Variants in LIMK2 observed in about 807,000 individuals in gnomAD.
LIMK2 encodes the protein LIM domain kinase 2.
A neutral mutation model predicts 75.7 loss-of-function variants in LIMK2; 35 were observed. The ratio of observed to expected loss-of-function variants is 0.46; its 90% CI spans 0.35 to 0.61. LIMK2 has a LOEUF of 0.61. LIMK2 is among the 20% of genes least tolerant of loss of function. The pLI is 0.00. For synonymous variants in LIMK2, 301 were observed against 319.2 expected (o/e 0.94, Z 0.61); for missense variants, 623 against 831.0 (o/e 0.75, Z 3.08).
intron 2 of LIMK2, among the ~76,000 whole-genome samples, chr22:31,247,045 G>A (rs2048677929): frequency 6.6e-6 from 1 of 152,216 alleles, no homozygotes; most frequent in Non-Finnish European, 1.5e-5. Flanking sequence ...GGTGGAATGG[G>A]AAAAGGCTCC....
At chr22:31,251,613 C>G (rs929088445) in intron 2 of LIMK2, among the ~76,000 whole-genome samples, 17 of 152,196 alleles carry the variant, frequency 1.1e-4, no homozygotes, top group Admixed American at 1.0e-3. Flanking sequence ...TGCACTCTAG[C>G]AACACTTATT....
chr22:31,226,597 C>G (rs1388829489), intron 2 of LIMK2, among the ~76,000 whole-genome samples: 1 of 134,834 alleles, frequency 7.4e-6, no homozygotes, highest in Non-Finnish European at 1.6e-5. Context: ...TTTATTATAG[C>G]TACATTATTA....
intron 2 of LIMK2, among the ~76,000 whole-genome samples, chr22:31,237,970 C>G (rs1156441288): frequency 6.6e-6 from 1 of 150,966 alleles, no homozygotes; most frequent in Non-Finnish European, 1.5e-5. Flanking sequence ...CAAAAATTAG[C>G]CAGGCATGAT....
At chr22:31,243,258 T>C (rs2048639085) in intron 2 of LIMK2, among the ~76,000 whole-genome samples, 2 of 152,094 alleles carry the variant, frequency 1.3e-5, no homozygotes, top group Admixed American at 6.5e-5. Context: ...GCTGCTATAA[T>C]GTAGAAAGTG....
At chr22:31,249,124 C>G (rs1396036958) in intron 2 of LIMK2, among the ~76,000 whole-genome samples, 1 of 152,224 alleles carries the variant, frequency 6.6e-6, no homozygotes, top group African/African-American at 2.4e-5. Flanking sequence ...TCTCACATGT[C>G]TTACCTGCGG....
intron 1 of LIMK2, among the ~76,000 whole-genome samples, chr22:31,213,817 C>CTTTTTT (rs71689139): frequency 6.9e-5 from 10 of 145,330 alleles, no homozygotes; most frequent in Non-Finnish European, 9.0e-5. Flanking sequence ...TTTCCAGTAA[C>CTTTTTT]TTTTTTTTTT....
intron 2 of LIMK2, among the ~76,000 whole-genome samples, chr22:31,248,984 C>G (rs1221997518): frequency 6.6e-6 from 1 of 152,184 alleles, no homozygotes; most frequent in African/African-American, 2.4e-5. Context: ...GAAGGAACTT[C>G]TTAGGGAGCT....
intron 11 of LIMK2, among the ~76,000 whole-genome samples, chr22:31,268,793 A>G (rs867474640): frequency 6.6e-6 from 1 of 152,226 alleles, no homozygotes; most frequent in African/African-American, 2.4e-5. Flanking sequence ...TTTATTCCTC[A>G]TGACAACCTT....
chr22:31,275,304 A>G lies in LIMK2; in HGVS notation c.1768A>G (p.Ser590Gly). ...CATCTGCTGCAGACTGGAGCCTGAG[A>G]GCAGGTTGGTATCCTGCCTTTTTCT... ...AAICCRLEPE[S>G]RPAFSKLEDS... Residue 590 changes from serine (S) to glycine (G), a missense_variant, in exon 15 of 16, where the codon AGC (serine) becomes GGC (glycine). Ser to Gly is a moderately conservative substitution (Grantham distance 56). This residue lies in a region of LIMK2 where 63 missense variants were observed against 122.8 expected (regional missense o/e 0.51). Transcript: ENST00000331728. The G allele has an allele frequency of 6.2e-7, 1 of 1,614,118 alleles. No homozygotes were observed. Among genetic ancestry groups the G allele is most frequent in the South Asian group, 1.1e-5 (1 of 91,042 alleles).
chr22:31,212,392 T>TC lies in LIMK2; in HGVS notation c.-15dup. On this transcript the variant is annotated 5_prime_UTR_variant, in exon 1 of 16. Coordinates refer to ENST00000331728, the MANE Select transcript of LIMK2 (RefSeq NM_005569.4). The stretch of plus-strand genomic sequence containing the variant: ...TGTCCCCCGCCTCCTCCTCCCCATT[T>TC]CCGCGCTCCCGGGACCATGTCCGCG... The TC allele has an allele frequency of 7.5e-7, 1 of 1,339,012 alleles. No homozygotes were observed. The highest frequency in any genetic ancestry group is 9.7e-7 in the Non-Finnish European group (1 of 1,034,944). The allele number at this position is 1,339,012 out of a possible 1,614,324, so 82.9% of individuals were successfully genotyped here. A position where few individuals can be genotyped will look rare whatever the true frequency, so the allele number is the denominator to read the frequency against.
At chr22:31,258,241 GC>G in intron 2 of LIMK2, 49 bp from the exon 3 acceptor site, 1 of 1,542,740 alleles carries the variant, frequency 6.5e-7, no homozygotes, top group Non-Finnish European at 8.8e-7. Context: ...AGCTTATGTG[GC>G]CTGGTTCCAG....
chr22:31,259,342 T>A, intron 4 of LIMK2, 112 bp downstream of exon 4: 1 of 671,502 alleles, frequency 1.5e-6, no homozygotes, highest in Non-Finnish European at 2.8e-6. Flanking sequence ...GAGCATTGGA[T>A]TCTTACCACA....
At chr22:31,217,706 A>G (rs1043199570) in intron 1 of LIMK2, among the ~76,000 whole-genome samples, 1 of 152,222 alleles carries the variant, frequency 6.6e-6, no homozygotes, top group Admixed American at 6.5e-5. Context: ...CCCTCCATAG[A>G]TAAGAAAATG....
At chr22:31,244,082 T>G (rs960987108) in intron 2 of LIMK2, among the ~76,000 whole-genome samples, 2 of 152,190 alleles carry the variant, frequency 1.3e-5, no homozygotes, top group African/African-American at 4.8e-5. Context: ...GTCCTCTCAC[T>G]TATTCCCCAC....
At chr22:31,260,609 C>T (rs1347893022) in intron 5 of LIMK2, among the ~76,000 whole-genome samples, 1 of 152,160 alleles carries the variant, frequency 6.6e-6, no homozygotes, top group African/African-American at 2.4e-5. Context: ...CTATCTAATA[C>T]CAGTAATGTC....
intron 2 of LIMK2, among the ~76,000 whole-genome samples, chr22:31,240,713 C>T (rs532543562): frequency 2.6e-5 from 4 of 152,156 alleles, no homozygotes; most frequent in Admixed American, 1.3e-4. Flanking sequence ...TGAGTCACCG[C>T]GCCTGGCCTA....
chr22:31,239,480 G>A (rs2048606469), intron 2 of LIMK2, among the ~76,000 whole-genome samples: 1 of 152,214 alleles, frequency 6.6e-6, no homozygotes, highest in African/African-American at 2.4e-5. Flanking sequence ...ATTTGCACAT[G>A]TTGTTCCTTC....
chr22:31,274,806 C>T (rs2048996482), intron 14 of LIMK2, among the ~76,000 whole-genome samples: 1 of 152,156 alleles, frequency 6.6e-6, no homozygotes, highest in African/African-American at 2.4e-5. Flanking sequence ...GAATCAGATC[C>T]AGCACCTCAT....
intron 15 of LIMK2, chr22:31,277,451 C>T (rs1001831858): frequency 8.7e-7 from 1 of 1,144,208 alleles, no homozygotes; most frequent in East Asian, 6.5e-5. Context: ...CAGCGGTCCA[C>T]ATTAGAGTTG....
Sources: allele counts gnomAD v4.1 joint callset (sites outside exome capture counted in the v4.1 genomes callset), GRCh38; gene constraint gnomAD v4.1.1; regional missense constraint gnomAD v4.1.1; transcripts MANE v1.5; gene names NCBI Gene and HGNC (gene_info 2026-07-23, HGNC 2026-07-21).